Variants in ADCY1 observed in about 807,000 individuals in gnomAD.
ADCY1 encodes adenylate cyclase type 1.
Under a neutral mutation model 105.4 loss-of-function variants are expected in ADCY1, and 28 were observed. That is an observed-to-expected ratio of 0.27 (90% confidence interval 0.20 to 0.36). The LOEUF (loss-of-function observed/expected upper bound fraction) is 0.36. ADCY1 is among the 10% of genes least tolerant of loss of function. The pLI, the probability that ADCY1 is intolerant of heterozygous loss-of-function variation, is 1.00. For synonymous variants in ADCY1, 655 were observed against 623.8 expected (o/e 1.05, Z -0.75); for missense variants, 977 against 1,434.2 (o/e 0.68, Z 5.15).
At chr7:45,698,427 C>T (rs542350923) in intron 14 of ADCY1, among the ~76,000 whole-genome samples, 14 of 152,232 alleles carry the variant, frequency 9.2e-5, no homozygotes, top group Non-Finnish European at 1.8e-4. Context: ...CATTTTTGAT[C>T]TAAAAAGGGC....
At chr7:45,623,038 G>A (rs533815359) in intron 4 of ADCY1, among the ~76,000 whole-genome samples, 8 of 152,332 alleles carry the variant, frequency 5.3e-5, no homozygotes, top group Non-Finnish European at 1.2e-4. Flanking sequence ...GTAGGTACGG[G>A]TCTGTCCTGT....
At position 45,716,281 on chromosome 7, in the gene ADCY1, T is replaced by C; in HGVS notation, c.*2286T>C. ...TCATCCTGAGGACCCAGGGTCCATC[T>C]GAGCTGGCTGTGGGCTGAGATCCTG... is the stretch of plus-strand genomic sequence containing the variant. On this transcript the variant is annotated 3_prime_UTR_variant, in exon 20 of 20. Coordinates refer to ENST00000297323, the MANE Select transcript of ADCY1 (RefSeq NM_021116.4). 1 of 153,118 alleles carries C rather than the reference T, an allele frequency of 6.5e-6. No individual in the cohort carries two copies. The allele number at this position is 153,118 out of a possible 1,614,324, so 9.5% of individuals were successfully genotyped here.
chr7:45,712,515 G>A (rs1257794596), intron 19 of ADCY1, among the ~76,000 whole-genome samples: 1 of 152,084 alleles, frequency 6.6e-6, no homozygotes, highest in Non-Finnish European at 1.5e-5. Context: ...GGTGTCTCCT[G>A]GCTGCCCAGG....
chr7:45,640,152 T>C (rs555803902), intron 4 of ADCY1, among the ~76,000 whole-genome samples: 2 of 152,170 alleles, frequency 1.3e-5, no homozygotes, highest in Admixed American at 6.5e-5. Flanking sequence ...TATGGTGCAG[T>C]TGTTACTCAA....
rs368132265 is a variant in ADCY1 at position 45,678,161 on chromosome 7, C to T, written c.1801-5C>T. On this transcript the variant is annotated splice_region_variant and splice_polypyrimidine_tract_variant and intron_variant, in intron 9 of 19. Transcript: ENST00000297323. ...CCCTGATGGATTGACTTCTCTCTTA[C>T]ACAGTACCACCAGCTTCAGGACGAG... The T allele has an allele frequency of 3.7e-6, 6 of 1,614,086 alleles. No individual in the cohort carries two copies. The African/African-American group carries it at 4.0e-5, about 11-fold the overall frequency.
chr7:45,648,617 C>T (rs1238794416), intron 4 of ADCY1, 53 bp from the exon 5 acceptor site: 51 of 1,609,446 alleles, frequency 3.2e-5, no homozygotes, highest in African/African-American at 1.2e-4. Flanking sequence ...AGCAGTGGCG[C>T]TCACAGCCTC....
intron 19 of ADCY1, among the ~76,000 whole-genome samples, chr7:45,711,231 A>C (rs1261593817): frequency 1.3e-5 from 2 of 152,168 alleles, no homozygotes; most frequent in Non-Finnish European, 2.9e-5. Flanking sequence ...CACCAGGATG[A>C]AGCCCTTAAA....
At chr7:45,670,635 G>C (rs116036743) in intron 8 of ADCY1, among the ~76,000 whole-genome samples, 1 of 151,990 alleles carries the variant, frequency 6.6e-6, no homozygotes, top group African/African-American at 2.4e-5. Flanking sequence ...CCTGATCCAG[G>C]GTGGACCTGT....
At chr7:45,627,959 C>T (rs900360185) in intron 4 of ADCY1, among the ~76,000 whole-genome samples, 5 of 152,304 alleles carry the variant, frequency 3.3e-5, no homozygotes, top group Admixed American at 1.3e-4. Flanking sequence ...AGACCCCCGG[C>T]GCCCACTTCG....
chr7:45,711,644 T>TATACACAC (rs1189707139), intron 19 of ADCY1, among the ~76,000 whole-genome samples: 21 of 51,474 alleles, frequency 4.1e-4, no homozygotes, highest in South Asian at 2.5e-3. Context: ...TATATATATA[T>TATACACAC]ACACACACAC....
chr7:45,699,974 C>A (rs578227281), intron 14 of ADCY1, among the ~76,000 whole-genome samples: 2 of 152,276 alleles, frequency 1.3e-5, no homozygotes, highest in East Asian at 1.9e-4. Context: ...CAGAAGCCCC[C>A]CTTGGTCTCT....
At chr7:45,588,437 G>A (rs1312967014) in intron 1 of ADCY1, among the ~76,000 whole-genome samples, 1 of 152,146 alleles carries the variant, frequency 6.6e-6, no homozygotes, top group Non-Finnish European at 1.5e-5. Context: ...TTGCTCCTGG[G>A]GAGCCATTGC....
At chr7:45,687,695 C>T (rs1438748763) in intron 14 of ADCY1, among the ~76,000 whole-genome samples, 1 of 152,222 alleles carries the variant, frequency 6.6e-6, no homozygotes, top group East Asian at 1.9e-4. Context: ...GTCTTCAGAA[C>T]AGCACTGCCT....
intron 1 of ADCY1, among the ~76,000 whole-genome samples, chr7:45,581,312 G>A (rs1021489267): frequency 3.3e-5 from 5 of 152,204 alleles, no homozygotes; most frequent in African/African-American, 9.7e-5. Flanking sequence ...ATACATAGCT[G>A]TATGTAGCTG....
In ADCY1 at chr7:45,721,604, C is replaced by T. The variant is rs530864157; in HGVS notation, c.*7609C>T. ...GGAAGGCCATTGGTTGTATTTGCTA[C>T]TTTTACTTTCATCTTCCTCTGCTGT... On this transcript the variant is annotated 3_prime_UTR_variant, in exon 20 of 20. Coordinates refer to ENST00000297323, the MANE Select transcript of ADCY1 (RefSeq NM_021116.4). The T allele has an allele frequency of 3.5e-5, 14 of 398,504 alleles. No individual in the cohort carries two copies. In the South Asian group the frequency reaches 1.4e-3, roughly 40 times the overall value. 24.7% of individuals were successfully genotyped at this position (398,504 alleles called of 1,614,324 possible). A position where few individuals can be genotyped will look rare whatever the true frequency, so the allele number is the denominator to read the frequency against.
At chr7:45,643,270 AT>A (rs11313310) in intron 4 of ADCY1, among the ~76,000 whole-genome samples, 62,043 of 148,988 alleles carry the variant, frequency 0.42, 13,332 homozygotes, top group East Asian at 0.71. Context: ...TTGAGATAGG[AT>A]TTTTTTTTTA....
At position 45,708,666 on chromosome 7, in the gene ADCY1, T is replaced by C. The variant is rs1448173003; in HGVS notation, c.2932+202T>C. Among the ~76,000 whole-genome samples, 1 of 152,230 alleles carries C rather than the reference T, an allele frequency of 6.6e-6. No homozygotes were observed. The highest frequency in any genetic ancestry group is 1.5e-5 in the Non-Finnish European group (1 of 68,042). ...GATGCTTCAGAAAGTGACTTAGACT[T>C]TGAAGATTCATTGTCTAGCTCAGGA... On this transcript the variant is annotated intron_variant, in intron 18 of 19. Coordinates refer to ENST00000297323, the MANE Select transcript of ADCY1 (RefSeq NM_021116.4). This position sits in a 1 kb window ranked among gnomAD's most constrained non-coding sequence, Gnocchi z 4.7.
intron 3 of ADCY1, among the ~76,000 whole-genome samples, chr7:45,611,206 G>A (rs951209491): frequency 2.0e-5 from 3 of 151,018 alleles, no homozygotes; most frequent in African/African-American, 7.3e-5. Flanking sequence ...GGGGGAGTGT[G>A]GACAAAGGGT....
intron 4 of ADCY1, among the ~76,000 whole-genome samples, chr7:45,636,430 G>GAT (rs1794399630): frequency 6.6e-6 from 1 of 152,232 alleles, no homozygotes; most frequent in African/African-American, 2.4e-5. Context: ...ATGCAACCTT[G>GAT]ATAGGCCTAA....
Sources: gnomAD v4.1 joint callset for allele counts (sites outside exome capture counted in the v4.1 genomes callset) on GRCh38, gnomAD v4.1.1 for gene constraint, Gnocchi (gnomAD v3.1) non-coding constraint, MANE v1.5 for transcripts, NCBI Gene and HGNC (gene_info 2026-07-23, HGNC 2026-07-21) for gene names.